Variants in SEL1L2 observed in about 807,000 individuals in gnomAD.
The protein encoded by SEL1L2 is SEL1L2 adaptor subunit of SYVN1 ubiquitin ligase.
Under a neutral mutation model 98.8 loss-of-function variants are expected in SEL1L2, and 89 were observed. That is an observed-to-expected ratio of 0.90 (90% confidence interval 0.76 to 1.07). The LOEUF (loss-of-function observed/expected upper bound fraction) is 1.07, where lower values mean the gene tolerates loss of function less well. Among genes scored for constraint, SEL1L2 ranks in the 50% least tolerant of loss-of-function variants. The pLI is 0.00. For missense variants in SEL1L2, 788 were observed against 812.0 expected, an observed-to-expected ratio of 0.97 and a Z score of 0.36; for synonymous variants, 262 against 278.5, an observed-to-expected ratio of 0.94 and a Z score of 0.59.
chr20:13,968,716 A>G (rs1458464705), intron 1 of SEL1L2, among the ~76,000 whole-genome samples: 3 of 152,244 alleles, frequency 2.0e-5, no homozygotes, highest in Non-Finnish European at 4.4e-5. Context: ...ATAACATCAA[A>G]GTAACTGCAA....
At chr20:13,956,507 A>G (rs2050550078) in intron 1 of SEL1L2, among the ~76,000 whole-genome samples, 1 of 152,146 alleles carries the variant, frequency 6.6e-6, no homozygotes, top group African/African-American at 2.4e-5. Context: ...AAGCTATTAA[A>G]ACATAGAAGA....
chr20:13,966,165 T>C (rs959191615), intron 1 of SEL1L2, among the ~76,000 whole-genome samples: 2 of 152,178 alleles, frequency 1.3e-5, no homozygotes, highest in Non-Finnish European at 2.9e-5. Flanking sequence ...TGAAGTGCTA[T>C]AAAGTGAAGG....
At chr20:13,992,948 TA>T (rs1435034226), upstream of SEL1L2, among the ~76,000 whole-genome samples, 1 of 152,232 alleles carries the variant, frequency 6.6e-6, no homozygotes, top group African/African-American at 2.4e-5. Context: ...CGTAAAGACC[TA>T]ATCTCCACAT....
chr20:13,913,553 T>C (rs2048287871), intron 5 of SEL1L2: 1 of 366,156 alleles, frequency 2.7e-6, no homozygotes, highest in Non-Finnish European at 4.8e-6. Context: ...GACAGTTTCA[T>C]ATTTCTTCAT....
At chr20:13,865,576 G>A in intron 15 of SEL1L2, 62 bp from the exon 16 acceptor site, 1 of 1,434,932 alleles carries the variant, frequency 7.0e-7, no homozygotes, top group South Asian at 1.3e-5. Context: ...CCAGGCAAAT[G>A]AGAAAGGAAA....
intron 5 of SEL1L2, among the ~76,000 whole-genome samples, chr20:13,909,746 A>G (rs1399111227): frequency 6.6e-6 from 1 of 152,084 alleles, no homozygotes; most frequent in African/African-American, 2.4e-5. Flanking sequence ...AGGGCAGATC[A>G]CCTGAGGTCA....
At chr20:13,873,705 G>A (rs1163493914) in intron 12 of SEL1L2, among the ~76,000 whole-genome samples, 1 of 152,184 alleles carries the variant, frequency 6.6e-6, no homozygotes, top group Non-Finnish European at 1.5e-5. Context: ...AAAGCCATAT[G>A]TATAGCCAAA....
chr20:13,885,896 G>T lies in SEL1L2; in HGVS notation c.900+392C>A, dbSNP rs576183355. 4.6e-5 allele frequency among the ~76,000 whole-genome samples: 7 copies of T among 152,188 alleles called. No individual in the cohort carries two copies. The East Asian group carries it at 1.2e-3, about 25-fold the overall frequency. On this transcript the variant is annotated intron_variant, in intron 9 of 19. Transcript: ENST00000284951. ...TAAAAATACAAAAAATTAGCCAGGC[G>T]TGGTGGTGTGGGCACCTGTAGTCCC...
intron 2 of SEL1L2, among the ~76,000 whole-genome samples, chr20:13,953,288 T>C (rs1352436045): frequency 2.6e-5 from 4 of 152,120 alleles, no homozygotes; most frequent in Non-Finnish European, 5.9e-5. Context: ...ATAACCTGGT[T>C]TGTCTCTTCT....
chr20:13,886,324 A>C lies in SEL1L2; in HGVS notation c.864T>G (p.Tyr288Ter). Residue 288 changes from tyrosine (Y) to a stop codon, truncating the protein, a stop_gained, in exon 9 of 20, where the codon TAT (tyrosine) becomes TAG (stop). Coordinates refer to ENST00000284951, the MANE Select transcript of SEL1L2 (RefSeq NM_025229.2). LOFTEE classifies it high-confidence loss of function. ...CATCTCCTCTTTCTGCCAAAAATTTATAGTATTGGTATATGTCCCAATCCA... is the reference window on the plus strand; with the variant it reads ...CATCTCCTCTTTCTGCCAAAAATTTCTAGTATTGGTATATGTCCCAATCCA... The part of the protein sequence containing the change: ...EILDWDIYQY[Y>*]KFLAERGDVQ... 6.2e-7 allele frequency: 1 copy of C among 1,611,964 alleles called. No individual in the cohort carries two copies. The highest frequency in any genetic ancestry group is 8.5e-7 in the Non-Finnish European group (1 of 1,178,828).
intron 1 of SEL1L2, among the ~76,000 whole-genome samples, chr20:13,962,449 G>A (rs1447362888): frequency 3.3e-5 from 5 of 152,166 alleles, no homozygotes; most frequent in Admixed American, 6.5e-5. Flanking sequence ...TGTGGACAGA[G>A]AGGCCCAGCC....
intron 1 of SEL1L2, 124 bp downstream of exon 1, chr20:13,990,353 A>G: frequency 1.4e-6 from 1 of 691,266 alleles, no homozygotes; most frequent in Non-Finnish European, 2.6e-6. Flanking sequence ...TACCTGTACA[A>G]AAATGGCATT....
chr20:13,909,640 C>T (rs566332825), intron 5 of SEL1L2, among the ~76,000 whole-genome samples: 1 of 152,054 alleles, frequency 6.6e-6, no homozygotes, highest in East Asian at 1.9e-4. Context: ...AAGAGAGGGT[C>T]GGGCAGAGAC....
At chr20:13,940,291 A>C (rs907133151) in intron 2 of SEL1L2, among the ~76,000 whole-genome samples, 1 of 152,220 alleles carries the variant, frequency 6.6e-6, no homozygotes, top group Non-Finnish European at 1.5e-5. Flanking sequence ...CTTTGGAGCC[A>C]ATAATTTAAT....
chr20:13,991,820 C>G (rs2052544085), upstream of SEL1L2, among the ~76,000 whole-genome samples: 1 of 152,112 alleles, frequency 6.6e-6, no homozygotes. Flanking sequence ...TGGCGAAACC[C>G]CGTGTCTACT....
intron 18 of SEL1L2, chr20:13,851,473 T>C (rs1052726140): frequency 6.6e-6 from 1 of 152,150 alleles, no homozygotes; most frequent in Non-Finnish European, 1.5e-5. Flanking sequence ...TACAGGATGA[T>C]GAAGAAACTA....
intron 2 of SEL1L2, among the ~76,000 whole-genome samples, chr20:13,943,582 A>G (rs1369265962): frequency 6.6e-6 from 1 of 152,000 alleles, no homozygotes; most frequent in Non-Finnish European, 1.5e-5. Context: ...TTGCTAAATG[A>G]CATTCATTCA....
At chr20:13,926,127 G>A (rs1200103934) in intron 3 of SEL1L2, among the ~76,000 whole-genome samples, 2 of 152,146 alleles carry the variant, frequency 1.3e-5, no homozygotes. Context: ...GACCATCCTG[G>A]CTAGTACGGT....
chr20:13,954,871 G>C (rs1600906076), intron 2 of SEL1L2, among the ~76,000 whole-genome samples: 1 of 152,198 alleles, frequency 6.6e-6, no homozygotes, highest in Admixed American at 6.5e-5. Context: ...GACAAACTGA[G>C]ATTTAGGTGA....
Sources: allele counts gnomAD v4.1 joint callset (sites outside exome capture counted in the v4.1 genomes callset), GRCh38; gene constraint gnomAD v4.1.1; transcripts MANE v1.5; gene names NCBI Gene and HGNC (gene_info 2026-07-23, HGNC 2026-07-21).